Variants in UBASH3B observed in about 807,000 individuals in gnomAD.
UBASH3B encodes the protein ubiquitin-associated and SH3 domain-containing protein B.
UBASH3B carries 37 observed loss-of-function variants against 83.4 expected under a neutral mutation model. The ratio of observed to expected loss-of-function variants is 0.44; its 90% CI spans 0.34 to 0.58. The LOEUF (loss-of-function observed/expected upper bound fraction) is 0.58, where lower values mean the gene tolerates loss of function less well. UBASH3B is among the 20% of genes least tolerant of loss of function. The probability of loss-of-function intolerance (pLI) is 0.01; values close to 1 mark genes in which losing one functional copy is unlikely to be tolerated. For missense variants in UBASH3B, 657 were observed against 827.2 expected, an observed-to-expected ratio of 0.79 and a Z score of 2.52; for synonymous variants, 304 against 318.3, an observed-to-expected ratio of 0.96 and a Z score of 0.48.
intron 1 of UBASH3B, among the ~76,000 whole-genome samples, chr11:122,757,240 T>C (rs1013949212): frequency 1.3e-5 from 2 of 152,266 alleles, no homozygotes; most frequent in East Asian, 1.9e-4. Context: ...TCCAAGGTGA[T>C]GATATCAGGA....
At chr11:122,780,414 G>T (rs970782091) in intron 4 of UBASH3B, among the ~76,000 whole-genome samples, 1 of 152,188 alleles carries the variant, frequency 6.6e-6, no homozygotes, top group African/African-American at 2.4e-5. Context: ...TCTGACTACA[G>T]GTGTGGACAA....
intron 1 of UBASH3B, among the ~76,000 whole-genome samples, chr11:122,700,375 T>A (rs1864026120): frequency 6.6e-6 from 1 of 152,240 alleles, no homozygotes. Context: ...TTAAGCTTTA[T>A]GGTTTAGTGG....
intron 1 of UBASH3B, among the ~76,000 whole-genome samples, chr11:122,692,334 C>G (rs1400158612): frequency 6.6e-6 from 1 of 152,112 alleles, no homozygotes; most frequent in Non-Finnish European, 1.5e-5. Context: ...TATTTTCTTG[C>G]TAAACATTCA....
At chr11:122,665,228 A>T (rs7106417) in intron 1 of UBASH3B, among the ~76,000 whole-genome samples, 1 of 151,958 alleles carries the variant, frequency 6.6e-6, no homozygotes, top group African/African-American at 2.4e-5. Flanking sequence ...CCCAGGCTAC[A>T]GTGCAATAAC....
chr11:122,779,793 C>T, intron 4 of UBASH3B, 98 bp downstream of exon 4: 3 of 1,452,774 alleles, frequency 2.1e-6, no homozygotes, highest in Non-Finnish European at 2.8e-6. Flanking sequence ...AGGATGGGGT[C>T]AGGAGGTGGA....
chr11:122,760,485 C>T (rs1047160603), intron 1 of UBASH3B, among the ~76,000 whole-genome samples: 18 of 152,106 alleles, frequency 1.2e-4, no homozygotes, highest in Admixed American at 7.9e-4. Context: ...CTCGGCCTCC[C>T]AAGTAGCTGG....
Position 122,660,609 on chromosome 11 carries a change from T to C in UBASH3B, c.161+4399T>C, listed in dbSNP as rs528648679. On this transcript the variant is annotated intron_variant, in intron 1 of 13. Coordinates refer to ENST00000284273, the MANE Select transcript of UBASH3B (RefSeq NM_032873.5). Reference sequence around the variant, plus strand: ...AGCCAGATCCGATGTCAGAGCACTGTCATCCCCCTGCTGACCTCTGGTTTC... The same window carrying C: ...AGCCAGATCCGATGTCAGAGCACTGCCATCCCCCTGCTGACCTCTGGTTTC... Among the ~76,000 whole-genome samples the C allele has an allele frequency of 1.1e-4, 17 of 152,296 alleles. No individual in the cohort carries two copies. The South Asian group carries it at 2.7e-3, about 24-fold the overall frequency.
At chr11:122,783,778 T>C (rs7126436) in intron 5 of UBASH3B, among the ~76,000 whole-genome samples, 147,486 of 152,244 alleles carry the variant, frequency 0.97, 71,570 homozygotes, top group Middle Eastern at 1. Flanking sequence ...AAAACTCAAG[T>C]CACCTCTTGT....
Position 122,794,841 on chromosome 11 carries a change from C to T in UBASH3B, c.1113+7C>T, listed in dbSNP as rs11218816. On this transcript the variant is annotated splice_region_variant and intron_variant, in intron 7 of 13. Coordinates refer to ENST00000284273, the MANE Select transcript of UBASH3B (RefSeq NM_032873.5). ...CATCTGCCAGCCCATGCAGGTAAGG[C>T]TGATTGCTAGGGTCACACCCCCAAC... is the stretch of plus-strand genomic sequence containing the variant. The T allele has an allele frequency of 0.23, 376,912 of 1,612,764 alleles. 46,956 individuals are homozygous for T. Among genetic ancestry groups the T allele is most frequent in the Middle Eastern group, 0.39 (2,149 of 5,578 alleles).
intron 1 of UBASH3B, among the ~76,000 whole-genome samples, chr11:122,725,886 G>A (rs10892889): frequency 0.32 from 48,264 of 151,822 alleles, 9,112 homozygotes; most frequent in Middle Eastern, 0.48. Flanking sequence ...TAGAGACAGG[G>A]TTTTACCATG....
chr11:122,740,693 C>T (rs758238047), intron 1 of UBASH3B, among the ~76,000 whole-genome samples: 18 of 152,066 alleles, frequency 1.2e-4, no homozygotes, highest in Non-Finnish European at 1.6e-4. Context: ...CCCTGCCATA[C>T]CAGATGTGTG....
chr11:122,796,786 C>T (rs1341488801), intron 8 of UBASH3B, 125 bp from the exon 9 acceptor site: 1 of 1,303,954 alleles, frequency 7.7e-7, no homozygotes, highest in Non-Finnish European at 1.1e-6. Context: ...TCTATCAGCT[C>T]CAGAGAGCTC....
At chr11:122,733,713 G>C (rs966610387) in intron 1 of UBASH3B, among the ~76,000 whole-genome samples, 4 of 152,178 alleles carry the variant, frequency 2.6e-5, no homozygotes, top group African/African-American at 9.7e-5. Context: ...GTAATGATAA[G>C]AGTATATGAT....
At chr11:122,801,947 G>A (rs1215189280) in intron 11 of UBASH3B, among the ~76,000 whole-genome samples, 1 of 152,050 alleles carries the variant, frequency 6.6e-6, no homozygotes, top group African/African-American at 2.4e-5. Context: ...TTTTCCATTA[G>A]ACCCGACTGT....
In UBASH3B at chr11:122,658,666, ACCCAGGTATTCTAT is replaced by A. The variant is rs1449327127; in HGVS notation, c.161+2458_161+2471del. 8.5e-5 allele frequency among the ~76,000 whole-genome samples: 13 copies of A among 152,324 alleles called. No individual in the cohort carries two copies. The East Asian group carries it at 2.5e-3, about 29-fold the overall frequency. On this transcript the variant is annotated intron_variant, in intron 1 of 13. Transcript: ENST00000284273. Reference sequence around the variant, plus strand: ...AGTAAGCAGTGAAGCTGGGATTCAAACCCAGGTATTCTATCTGCACAGCCCAGGCCTCACACCAT... The same window carrying A: ...AGTAAGCAGTGAAGCTGGGATTCAAACTGCACAGCCCAGGCCTCACACCAT...
At chr11:122,718,633 C>G (rs1464517348) in intron 1 of UBASH3B, among the ~76,000 whole-genome samples, 2 of 152,130 alleles carry the variant, frequency 1.3e-5, no homozygotes, top group Non-Finnish European at 2.9e-5. Flanking sequence ...AATTATAGTA[C>G]TTTTTATATT....
chr11:122,765,386 C>T (rs1305229491), intron 1 of UBASH3B, among the ~76,000 whole-genome samples: 4 of 152,134 alleles, frequency 2.6e-5, no homozygotes, highest in South Asian at 2.1e-4. Flanking sequence ...CGGGCACTTG[C>T]GACGCTTCCC....
At chr11:122,691,743 G>C (rs546520709) in intron 1 of UBASH3B, among the ~76,000 whole-genome samples, 1 of 152,174 alleles carries the variant, frequency 6.6e-6, no homozygotes, top group African/African-American at 2.4e-5. Flanking sequence ...AGGCTGCCTT[G>C]CCTGGCCTTC....
At chr11:122,728,064 C>T (rs1251061859) in intron 1 of UBASH3B, among the ~76,000 whole-genome samples, 1 of 152,148 alleles carries the variant, frequency 6.6e-6, no homozygotes, top group African/African-American at 2.4e-5. Flanking sequence ...TCTCAAACTA[C>T]GGGGCTCAAG....
Sources: allele counts gnomAD v4.1 joint callset (sites outside exome capture counted in the v4.1 genomes callset), GRCh38; gene constraint gnomAD v4.1.1; transcripts MANE v1.5; gene names NCBI Gene and HGNC (gene_info 2026-07-23, HGNC 2026-07-21).